The following BNC2 variants were observed in gnomAD, a reference collection of about 807,000 sequenced individuals.
BNC2 encodes the protein zinc finger protein basonuclin-2.
In BNC2, 20 loss-of-function variants were observed where a neutral mutation model predicts 76.3. The ratio of observed to expected loss-of-function variants is 0.26; its 90% CI spans 0.18 to 0.38. The LOEUF (loss-of-function observed/expected upper bound fraction) is 0.38. BNC2 is among the 10% of genes least tolerant of loss of function. The pLI, the probability that BNC2 is intolerant of heterozygous loss-of-function variation, is 1.00. For missense variants in BNC2, 1,382 were observed against 1,399.8 expected, an observed-to-expected ratio of 0.99 and a Z score of 0.20; for synonymous variants, 582 against 514.8, an observed-to-expected ratio of 1.13 and a Z score of -1.77.
At chr9:16,865,499 T>C (rs981255662) in intron 1 of BNC2, among the ~76,000 whole-genome samples, 1 of 152,176 alleles carries the variant, frequency 6.6e-6, no homozygotes, top group Admixed American at 6.6e-5. Context: ...TTGTAAGTGA[T>C]TGCAACTGTG....
rs550986783 is a variant in BNC2, at chr9:16,414,754, T to C, written c.*4235A>G. On this transcript the variant is annotated 3_prime_UTR_variant, in exon 7 of 7. Transcript: ENST00000380672. Reference sequence around the variant, plus strand: ...ATCTCAATCTGGTGACTAGCTTCTTTATGCTTTAATTGTCAACGGCCCTCA... The same window carrying C: ...ATCTCAATCTGGTGACTAGCTTCTTCATGCTTTAATTGTCAACGGCCCTCA... 1.1e-4 allele frequency: 17 copies of C among 152,320 alleles called. No individual in the cohort carries two copies. Among genetic ancestry groups the C allele is most frequent in the African/African-American group, 3.1e-4 (13 of 41,552 alleles). 9.4% of individuals were successfully genotyped at this position (152,320 alleles called of 1,614,324 possible).
chr9:16,690,609 A>G (rs546421916), intron 3 of BNC2, among the ~76,000 whole-genome samples: 1 of 152,336 alleles, frequency 6.6e-6, no homozygotes, highest in Admixed American at 6.5e-5. Context: ...ATTCATTGTT[A>G]TAGAGTCAGA....
chr9:16,496,735 G>C (rs1822398896), intron 5 of BNC2, among the ~76,000 whole-genome samples: 1 of 152,142 alleles, frequency 6.6e-6, no homozygotes, highest in South Asian at 2.1e-4. Flanking sequence ...TTAAAGATGG[G>C]GAGGGGATGA....
intron 3 of BNC2, among the ~76,000 whole-genome samples, chr9:16,678,253 TTTTC>T (rs1304336790): frequency 2.5e-4 from 37 of 147,262 alleles, no homozygotes; most frequent in Admixed American, 6.2e-4. Context: ...CTTGTAACTG[TTTTC>T]TTTCTTTTTC....
chr9:16,458,645 G>A (rs1821507019), intron 5 of BNC2, among the ~76,000 whole-genome samples: 1 of 152,202 alleles, frequency 6.6e-6, no homozygotes, highest in African/African-American at 2.4e-5. Flanking sequence ...ATTTCCTACA[G>A]CCCTATGGCA....
chr9:16,486,616 T>A lies in BNC2; in HGVS notation c.670-49092A>T, dbSNP rs190036244. On this transcript the variant is annotated intron_variant, in intron 5 of 6. Transcript: ENST00000380672. ...TTCCTCAGAAACATTTAATGACACA[T>A]TAGGCTCTCAAATATTTGCACTAAA... Among the ~76,000 whole-genome samples the A allele has an allele frequency of 3.3e-5, 5 of 152,366 alleles. No homozygotes were observed. The East Asian group carries it at 9.6e-4, about 29-fold the overall frequency.
chr9:16,630,837 T>G (rs973427589), intron 3 of BNC2, among the ~76,000 whole-genome samples: 3 of 150,432 alleles, frequency 2.0e-5, no homozygotes, highest in Non-Finnish European at 4.4e-5. Context: ...CCTCCCGGGT[T>G]CAAGCGATTC....
chr9:16,829,172 G>A (rs1455266460), intron 1 of BNC2, among the ~76,000 whole-genome samples: 13 of 152,354 alleles, frequency 8.5e-5, no homozygotes, highest in African/African-American at 3.1e-4. Flanking sequence ...GTCTGGCACG[G>A]ACTTGTGAGC....
At position 16,412,512 on chromosome 9, in the gene BNC2, T is replaced by C. The variant is rs1483845291; in HGVS notation, c.*6477A>G. Reference sequence around the variant, plus strand: ...CCCATTACTCTCAAGATGGAATTGTTAACACTTAAGTTTTCAAAGAAGCAA... The same window carrying C: ...CCCATTACTCTCAAGATGGAATTGTCAACACTTAAGTTTTCAAAGAAGCAA... On this transcript the variant is annotated 3_prime_UTR_variant, in exon 7 of 7. Coordinates refer to ENST00000380672, the MANE Select transcript of BNC2 (RefSeq NM_017637.6). The C allele has an allele frequency of 6.6e-6, 1 of 152,560 alleles. No individual in the cohort carries two copies. The highest frequency in any genetic ancestry group is 1.5e-5 in the Non-Finnish European group (1 of 68,018). The allele number at this position is 152,560 out of a possible 1,614,324, so 9.5% of individuals were successfully genotyped here.
At chr9:16,433,496 C>G (rs1194587318) in intron 6 of BNC2, among the ~76,000 whole-genome samples, 1 of 152,082 alleles carries the variant, frequency 6.6e-6, no homozygotes, top group Non-Finnish European at 1.5e-5. Flanking sequence ...AGACGCGGGT[C>G]TAAACGTATA....
intron 1 of BNC2, among the ~76,000 whole-genome samples, chr9:16,778,154 ACT>A (rs1275494878): frequency 6.6e-5 from 10 of 152,188 alleles, no homozygotes; most frequent in Non-Finnish European, 5.9e-5. Flanking sequence ...AAAAACAATG[ACT>A]CTCATAATGA....
At chr9:16,799,746 G>C (rs1196914625) in intron 1 of BNC2, among the ~76,000 whole-genome samples, 1 of 152,124 alleles carries the variant, frequency 6.6e-6, no homozygotes, top group Non-Finnish European at 1.5e-5. Context: ...AATCACCCAA[G>C]TCCTTCTACT....
At chr9:16,722,757 C>T (rs1382201659) in intron 3 of BNC2, among the ~76,000 whole-genome samples, 1 of 152,170 alleles carries the variant, frequency 6.6e-6, no homozygotes, top group East Asian at 1.9e-4. Flanking sequence ...GCATGCTTTA[C>T]TTGCGTTAAC....
chr9:16,786,812 G>A (rs1826306862), intron 1 of BNC2, among the ~76,000 whole-genome samples: 1 of 152,134 alleles, frequency 6.6e-6, no homozygotes, highest in Non-Finnish European at 1.5e-5. Context: ...GAAGGTCATT[G>A]ATCTGCGGCA....
chr9:16,426,325 C>CTTTT (rs34622231), intron 6 of BNC2, among the ~76,000 whole-genome samples: 1 of 136,988 alleles, frequency 7.3e-6, no homozygotes, highest in Non-Finnish European at 1.6e-5. Flanking sequence ...CCATGCCCAG[C>CTTTT]TTTTTTTTTT....
At chr9:16,773,549 T>C (rs1479053245) in intron 1 of BNC2, among the ~76,000 whole-genome samples, 1 of 147,052 alleles carries the variant, frequency 6.8e-6, no homozygotes, top group South Asian at 2.2e-4. Flanking sequence ...AGTGCAATAA[T>C]AATAATTTTA....
At chr9:16,654,964 C>T (rs1587278373) in intron 3 of BNC2, among the ~76,000 whole-genome samples, 1 of 152,038 alleles carries the variant, frequency 6.6e-6, no homozygotes, top group Non-Finnish European at 1.5e-5. Context: ...CCTAGTCAAT[C>T]AATGCCTGAC....
At chr9:16,584,498 C>T (rs779392840) in intron 3 of BNC2, among the ~76,000 whole-genome samples, 13 of 152,098 alleles carry the variant, frequency 8.5e-5, no homozygotes, top group Non-Finnish European at 1.5e-4. Flanking sequence ...TTGGAGTCCT[C>T]ACTGTAGACT....
At chr9:16,823,441 A>T (rs1172939727) in intron 1 of BNC2, among the ~76,000 whole-genome samples, 2 of 150,886 alleles carry the variant, frequency 1.3e-5, no homozygotes, top group Non-Finnish European at 3.0e-5. Context: ...AAAAAAAAAA[A>T]AAAATTAAAA....
Sources: gnomAD v4.1 joint callset for allele counts (sites outside exome capture counted in the v4.1 genomes callset) on GRCh38, gnomAD v4.1.1 for gene constraint, MANE v1.5 for transcripts, NCBI Gene and HGNC (gene_info 2026-07-23, HGNC 2026-07-21) for gene names.